The following SORCS2 variants were observed in gnomAD, a reference collection of about 807,000 sequenced individuals.
SORCS2 encodes sortilin related VPS10 domain containing receptor 2.
Under a neutral mutation model 141.6 loss-of-function variants are expected in SORCS2, and 100 were observed. The observed-to-expected ratio is 0.71, with a 90% CI of 0.60 to 0.83. SORCS2 has a LOEUF of 0.83. SORCS2 is among the 40% of genes least tolerant of loss of function. The pLI, the probability that SORCS2 is intolerant of heterozygous loss-of-function variation, is 0.00. For synonymous variants in SORCS2, 789 were observed against 676.9 expected (o/e 1.17, Z -2.57); for missense variants, 1,646 against 1,560.2 (o/e 1.05, Z -0.93).
Position 7,471,647 on chromosome 4 carries a change from C to T in SORCS2, c.549-59883C>T, listed in dbSNP as rs542958065. On this transcript the variant is annotated intron_variant, in intron 2 of 26. Transcript: ENST00000507866. ...CACAGGGAGAGGGTGGAACCAGGTGCGTCCCTTGTACCCAGAGCCCAGGTT... is the reference window on the plus strand; with the variant it reads ...CACAGGGAGAGGGTGGAACCAGGTGTGTCCCTTGTACCCAGAGCCCAGGTT... Among the ~76,000 whole-genome samples, 26 of 152,324 alleles carry T rather than the reference C, an allele frequency of 1.7e-4. No homozygotes were observed. The East Asian group carries it at 3.5e-3, about 20-fold the overall frequency.
Position 7,732,771 on chromosome 4 carries a change from T to A in SORCS2, c.3109-551T>A, listed in dbSNP as rs1711805576. ...CATTCCCGACTAAAACAAGAGCTCA[T>A]GAAGGCCAGAGCCATGTCTCGGTCG... On this transcript the variant is annotated intron_variant, in intron 23 of 26. Transcript: ENST00000507866. Among the ~76,000 whole-genome samples the A allele has an allele frequency of 2.0e-5, 3 of 152,096 alleles. No individual in the cohort carries two copies. The East Asian group carries it at 5.8e-4, about 29-fold the overall frequency.
intron 1 of SORCS2, among the ~76,000 whole-genome samples, chr4:7,313,677 C>T (rs1323445506): frequency 1.3e-5 from 2 of 152,186 alleles, no homozygotes; most frequent in African/African-American, 4.8e-5. Context: ...TGGATGGCCG[C>T]ACTGCCGGCT....
Position 7,704,290 on chromosome 4 carries a change from T to G in SORCS2, c.1868+6T>G, listed in dbSNP as rs1577095119. On this transcript the variant is annotated splice_donor_region_variant and intron_variant, in intron 14 of 26. Transcript: ENST00000507866. ...GACGAGACGCTGGTCATGACGTGAG[T>G]GCGGGGACCGGGGAGTGGGCACTGG... The G allele has an allele frequency of 6.2e-7, 1 of 1,605,676 alleles. No individual in the cohort carries two copies. Among genetic ancestry groups the G allele is most frequent in the Non-Finnish European group, 8.5e-7 (1 of 1,176,250 alleles).
chr4:7,388,372 C>T (rs913786956), intron 1 of SORCS2, among the ~76,000 whole-genome samples: 2 of 152,208 alleles, frequency 1.3e-5, no homozygotes, highest in Non-Finnish European at 2.9e-5. Flanking sequence ...GAAAAGCCAC[C>T]TGTGTTCTGG....
chr4:7,540,535 C>T (rs1256441702), intron 3 of SORCS2, among the ~76,000 whole-genome samples: 1 of 152,204 alleles, frequency 6.6e-6, no homozygotes, highest in East Asian at 1.9e-4. Context: ...CACGGCTTTG[C>T]CCTTAAGGCG....
intron 1 of SORCS2, among the ~76,000 whole-genome samples, chr4:7,336,150 G>C (rs925925876): frequency 2.0e-5 from 3 of 152,212 alleles, no homozygotes; most frequent in African/African-American, 7.2e-5. Context: ...AAGGAAGGAG[G>C]GCACTGATAG....
rs190054538 is a variant in SORCS2 at position 7,485,743 on chromosome 4, C to G, written c.549-45787C>G. ...CAGCTTCCCTGGGGGTGGCTAGATG[C>G]AGCTAGCAGGTGCCCACTGTGGGCC... On this transcript the variant is annotated intron_variant, in intron 2 of 26. Transcript: ENST00000507866. Among the ~76,000 whole-genome samples the G allele has an allele frequency of 2.7e-3, 409 of 152,330 alleles. 3 individuals carry two copies. Among genetic ancestry groups the G allele is most frequent in the African/African-American group, 9.4e-3 (390 of 41,576 alleles).
At chr4:7,708,540 T>G (rs1365102813) in intron 14 of SORCS2, among the ~76,000 whole-genome samples, 1 of 152,166 alleles carries the variant, frequency 6.6e-6, no homozygotes, top group Non-Finnish European at 1.5e-5. Context: ...GGTGGTCTTG[T>G]CCTTCAGCGC....
At chr4:7,413,699 T>A (rs1401185368) in intron 2 of SORCS2, among the ~76,000 whole-genome samples, 1 of 152,174 alleles carries the variant, frequency 6.6e-6, no homozygotes, top group Non-Finnish European at 1.5e-5. Flanking sequence ...ACAACTGCTA[T>A]TTTTTAATGG....
intron 2 of SORCS2, among the ~76,000 whole-genome samples, chr4:7,427,897 A>G (rs559016484): frequency 4.6e-5 from 7 of 151,876 alleles, no homozygotes; most frequent in Admixed American, 3.9e-4. Flanking sequence ...TCACATTTCA[A>G]CACCAGCTTT....
intron 2 of SORCS2, among the ~76,000 whole-genome samples, chr4:7,437,192 C>T (rs1727362185): frequency 6.6e-6 from 1 of 152,180 alleles, no homozygotes; most frequent in African/African-American, 2.4e-5. Context: ...ACCTGTACTT[C>T]TGACGAAGTG....
At chr4:7,207,313 C>G (rs1727796891) in intron 1 of SORCS2, among the ~76,000 whole-genome samples, 1 of 152,226 alleles carries the variant, frequency 6.6e-6, no homozygotes, top group African/African-American at 2.4e-5. Context: ...TCTGGGAAGG[C>G]TTGCTGCTGG....
intron 3 of SORCS2, among the ~76,000 whole-genome samples, chr4:7,618,397 C>T (rs1373244227): frequency 6.6e-6 from 1 of 152,176 alleles, no homozygotes; most frequent in Non-Finnish European, 1.5e-5. Flanking sequence ...GCCCTCCACT[C>T]TGCACCCGGA....
At chr4:7,573,031 T>C in intron 3 of SORCS2, among the ~76,000 whole-genome samples, 1 of 152,242 alleles carries the variant, frequency 6.6e-6, no homozygotes, top group East Asian at 1.9e-4. Flanking sequence ...AAAGTGGCTG[T>C]TGATCTTGAA....
intron 2 of SORCS2, among the ~76,000 whole-genome samples, chr4:7,475,708 A>C (rs1318197629): frequency 5.6e-5 from 8 of 142,660 alleles, no homozygotes; most frequent in Admixed American, 4.8e-4. Flanking sequence ...TTCACACACA[A>C]CACACATACA....
intron 1 of SORCS2, among the ~76,000 whole-genome samples, chr4:7,239,616 G>A (rs887198443): frequency 6.6e-5 from 10 of 152,144 alleles, no homozygotes; most frequent in African/African-American, 2.4e-4. Context: ...AACAGCCCCT[G>A]GGGAGCTGGG....
chr4:7,279,732 TCTG>T (rs1715746110), intron 1 of SORCS2, among the ~76,000 whole-genome samples: 1 of 152,176 alleles, frequency 6.6e-6, no homozygotes, highest in East Asian at 1.9e-4. Flanking sequence ...CATTCATAGG[TCTG>T]CTGTGTTTGC....
rs550944048 is a variant in SORCS2, at chr4:7,742,345, C to T, written c.*2081C>T. ...ACAGACATGGCGAGCACAGTGCAGG[C>T]CCGGGGCCCACGGGCAACATGGAAC... On this transcript the variant is annotated 3_prime_UTR_variant, in exon 27 of 27. Transcript: ENST00000507866. 5.7e-4 allele frequency: 87 copies of T among 152,428 alleles called. No homozygotes were observed. Among genetic ancestry groups the T allele is most frequent in the Middle Eastern group, 3.4e-3 (1 of 294 alleles). 9.4% of individuals were successfully genotyped at this position (152,428 alleles called of 1,614,324 possible).
chr4:7,500,255 C>T (rs891290544), intron 2 of SORCS2, among the ~76,000 whole-genome samples: 7 of 152,132 alleles, frequency 4.6e-5, no homozygotes, highest in African/African-American at 1.2e-4. Flanking sequence ...TGGGAGGTCA[C>T]GCCTGGAGGA....
Sources: allele counts gnomAD v4.1 joint callset (sites outside exome capture counted in the v4.1 genomes callset), GRCh38; gene constraint gnomAD v4.1.1; transcripts MANE v1.5; gene names NCBI Gene and HGNC (gene_info 2026-07-23, HGNC 2026-07-21).